TPRG1: variants seen among roughly 807,000 people sequenced by gnomAD.
The protein encoded by TPRG1 is tumor protein p63-regulated gene 1 protein.
TPRG1 carries 29 observed loss-of-function variants against 29.3 expected under a neutral mutation model. That is an observed-to-expected ratio of 0.99 (90% CI 0.74 to 1.35). The LOEUF (loss-of-function observed/expected upper bound fraction) is 1.35, where lower values mean the gene tolerates loss of function less well. TPRG1 is among the 40% of genes most tolerant of loss of function. The pLI, the probability that TPRG1 is intolerant of heterozygous loss-of-function variation, is 0.00. For missense variants in TPRG1, 327 were observed against 335.0 expected, an observed-to-expected ratio of 0.98 and a Z score of 0.19; for synonymous variants, 130 against 116.8, an observed-to-expected ratio of 1.11 and a Z score of -0.73.
rs901422853 is a variant in TPRG1 at position 189,118,188 on chromosome 3, G to A, written c.-743-8869G>A. 4.6e-5 allele frequency among the ~76,000 whole-genome samples: 7 copies of A among 152,158 alleles called. No individual in the cohort carries two copies. In the East Asian group the frequency reaches 1.3e-3, roughly 29 times the overall value. ...CTGAGGTGGCCTCAGATGGAGATGA[G>A]GAACTTGTTGGGAACTGGATTACAG... On this transcript the variant is annotated intron_variant, in intron 1 of 6. Coordinates refer to the TPRG1 transcript ENST00000412373.
chr3:189,225,320 CATT>C (rs1351022755), intron 3 of TPRG1, among the ~76,000 whole-genome samples: 1 of 152,164 alleles, frequency 6.6e-6, no homozygotes, highest in Non-Finnish European at 1.5e-5. Flanking sequence ...AAAGTCAGGA[CATT>C]ATTATTATGA....
At chr3:189,179,754 A>G (rs567084558) in intron 1 of TPRG1, among the ~76,000 whole-genome samples, 40 of 152,228 alleles carry the variant, frequency 2.6e-4, no homozygotes, top group Non-Finnish European at 4.6e-4. Flanking sequence ...AATTAAATGT[A>G]GCACTCTTTT....
chr3:189,293,926 A>G (rs1293287727), intron 4 of TPRG1, among the ~76,000 whole-genome samples: 3 of 152,146 alleles, frequency 2.0e-5, no homozygotes, highest in Non-Finnish European at 4.4e-5. Flanking sequence ...TCAGTCTGCA[A>G]TTGTTTGCAA....
Position 189,319,195 on chromosome 3 carries a change from T to A in TPRG1, c.634-1431T>A, listed in dbSNP as rs954634879. Among the ~76,000 whole-genome samples, 3 of 152,200 alleles carry A rather than the reference T, an allele frequency of 2.0e-5. No individual in the cohort carries two copies. In the South Asian group the frequency reaches 6.2e-4, roughly 31 times the overall value. ...TCACTTTATGAATATCATTCTTGACTTCTGGGTCTGTGATTATTATTATGA... is the reference window on the plus strand; with the variant it reads ...TCACTTTATGAATATCATTCTTGACATCTGGGTCTGTGATTATTATTATGA... On this transcript the variant is annotated intron_variant, in intron 5 of 5. Transcript: ENST00000345063.
chr3:189,060,309 A>G (rs1213683428), intron 4 of TPRG1, among the ~76,000 whole-genome samples: 1 of 152,234 alleles, frequency 6.6e-6, no homozygotes, highest in East Asian at 1.9e-4. Context: ...AATAAGGGCC[A>G]TCTATGACAA....
At chr3:189,283,225 C>T (rs942793807) in intron 4 of TPRG1, among the ~76,000 whole-genome samples, 8 of 152,140 alleles carry the variant, frequency 5.3e-5, no homozygotes, top group African/African-American at 1.7e-4. Context: ...CTCAATTATT[C>T]GTGCTTCATA....
chr3:189,120,396 C>T (rs1721691495), intron 1 of TPRG1: 1 of 152,128 alleles, frequency 6.6e-6, no homozygotes, highest in Non-Finnish European at 1.5e-5. Context: ...TGGTAAATGT[C>T]TTTGTTTCAA....
At chr3:189,030,414 C>T (rs767375423) in intron 4 of TPRG1, among the ~76,000 whole-genome samples, 13 of 152,166 alleles carry the variant, frequency 8.5e-5, no homozygotes. Context: ...TTTAAATAGC[C>T]TCTGGAATCA....
At chr3:189,139,294 C>A (rs1201291869) in intron 3 of TPRG1, among the ~76,000 whole-genome samples, 2 of 152,212 alleles carry the variant, frequency 1.3e-5, no homozygotes, top group South Asian at 2.1e-4. Context: ...GTTTCACAGA[C>A]CCTCCTCTGT....
chr3:189,156,489 G>C (rs1040890412), intron 5 of TPRG1, among the ~76,000 whole-genome samples: 1 of 152,206 alleles, frequency 6.6e-6, no homozygotes, highest in Non-Finnish European at 1.5e-5. Context: ...CGCAGAGAGG[G>C]TCAGGGATAA....
chr3:189,291,283 C>CCCAT, intron 4 of TPRG1, among the ~76,000 whole-genome samples: 1 of 152,202 alleles, frequency 6.6e-6, no homozygotes, highest in Admixed American at 6.5e-5. Flanking sequence ...CATAGTTTCA[C>CCCAT]CCATCCAACC....
chr3:189,218,111 A>C, intron 3 of TPRG1: 1 of 876,650 alleles, frequency 1.1e-6, no homozygotes, highest in Non-Finnish European at 1.4e-6. Context: ...CAACCACACA[A>C]GATTCTCTCT....
chr3:189,140,761 A>G (rs1172494126), intron 3 of TPRG1, among the ~76,000 whole-genome samples: 1 of 152,054 alleles, frequency 6.6e-6, no homozygotes, highest in Non-Finnish European at 1.5e-5. Flanking sequence ...GTAATCATGC[A>G]CTCTGTAAGT....
intron 5 of TPRG1, among the ~76,000 whole-genome samples, chr3:189,312,164 TC>T (rs1340624746): frequency 0.011 from 826 of 73,702 alleles, 9 homozygotes; most frequent in East Asian, 0.06. Flanking sequence ...TTTCTTTCTT[TC>T]TTTCTTTCTT....
intron 1 of TPRG1, among the ~76,000 whole-genome samples, chr3:189,101,366 T>C (rs1162887529): frequency 6.6e-6 from 1 of 152,010 alleles, no homozygotes; most frequent in East Asian, 1.9e-4. Flanking sequence ...CACATTACTG[T>C]TCCAAAATGT....
chr3:189,190,698 A>AT (rs1560532016), intron 1 of TPRG1, among the ~76,000 whole-genome samples: 2 of 152,222 alleles, frequency 1.3e-5, no homozygotes, highest in Non-Finnish European at 2.9e-5. Flanking sequence ...AATTGTGTAG[A>AT]GTAAGCAGGC....
At chr3:189,180,622 A>G (rs373402675) in intron 1 of TPRG1, among the ~76,000 whole-genome samples, 2 of 152,202 alleles carry the variant, frequency 1.3e-5, no homozygotes, top group East Asian at 3.8e-4. Flanking sequence ...GGTAGGTTCC[A>G]ATGGTCTTAG....
At chr3:189,062,125 T>C (rs1716149132) in intron 4 of TPRG1, among the ~76,000 whole-genome samples, 2 of 152,204 alleles carry the variant, frequency 1.3e-5, no homozygotes, top group African/African-American at 4.8e-5. Context: ...AACAAGATCA[T>C]GTCTTTTGTG....
chr3:189,258,614 C>T (rs1232690190), intron 4 of TPRG1, among the ~76,000 whole-genome samples: 5 of 152,172 alleles, frequency 3.3e-5, no homozygotes, highest in Non-Finnish European at 7.3e-5. Flanking sequence ...GCCGCCCCTT[C>T]CCCCAGGTGC....
Sources: gnomAD v4.1 joint callset for allele counts (sites outside exome capture counted in the v4.1 genomes callset) on GRCh38, gnomAD v4.1.1 for gene constraint, MANE v1.5 for transcripts, NCBI Gene and HGNC (gene_info 2026-07-23, HGNC 2026-07-21) for gene names.